The following TMEM217 variants were observed in gnomAD, a reference collection of about 807,000 sequenced individuals.
TMEM217 encodes chromosome 6 open reading frame 128.
For missense variants in TMEM217, 204 were observed against 248.8 expected (o/e 0.82, Z 1.21); for synonymous variants, 76 against 88.3 (o/e 0.86, Z 0.78).
At chr6:37,226,330 T>C (rs1313825184) in intron 1 of TMEM217, among the ~76,000 whole-genome samples, 1 of 140,532 alleles carries the variant, frequency 7.1e-6, no homozygotes, top group African/African-American at 2.7e-5. Context: ...TCTCGCTCTT[T>C]CGCCCAGGCT....
At chr6:37,225,381 AC>A (rs1361068932) in intron 1 of TMEM217, among the ~76,000 whole-genome samples, 2 of 152,136 alleles carry the variant, frequency 1.3e-5, no homozygotes, top group Non-Finnish European at 2.9e-5. Flanking sequence ...TTTAAAAAAA[AC>A]AAGCTAGTAA....
downstream of TMEM217, among the ~76,000 whole-genome samples, chr6:37,213,762 A>C (rs1293684058): frequency 6.6e-6 from 1 of 152,264 alleles, no homozygotes; most frequent in Non-Finnish European, 1.5e-5. Flanking sequence ...AGGCTGGAGT[A>C]GGCTGGGCCT....
chr6:37,239,305 A>G (rs897107718), intron 1 of TMEM217, among the ~76,000 whole-genome samples: 5 of 151,914 alleles, frequency 3.3e-5, no homozygotes, highest in African/African-American at 1.2e-4. Flanking sequence ...CCTGGGCAAG[A>G]TGGCAAAAAC....
At chr6:37,255,417 CCCA>C (rs549111798) in intron 1 of TMEM217, among the ~76,000 whole-genome samples, 1 of 152,016 alleles carries the variant, frequency 6.6e-6, no homozygotes, top group Non-Finnish European at 1.5e-5. Context: ...TGCGATGGCT[CCCA>C]CCTGTAATAC....
At chr6:37,254,562 T>C (rs1021472039) in intron 1 of TMEM217, among the ~76,000 whole-genome samples, 1 of 152,206 alleles carries the variant, frequency 6.6e-6, no homozygotes, top group East Asian at 1.9e-4. Context: ...GAGTCATTGG[T>C]AAAGTGGACA....
chr6:37,250,846 T>C (rs979122501), intron 1 of TMEM217, among the ~76,000 whole-genome samples: 2 of 152,270 alleles, frequency 1.3e-5, no homozygotes, highest in Non-Finnish European at 2.9e-5. Context: ...CCTTTAAGTT[T>C]ACTTTAACTC....
chr6:37,217,366 T>C (rs62407474), downstream of TMEM217, among the ~76,000 whole-genome samples: 3 of 152,260 alleles, frequency 2.0e-5, no homozygotes, highest in African/African-American at 7.2e-5. Context: ...TGTGATAGTA[T>C]GTAATCATAT....
rs539014646 is a variant in TMEM217 at position 37,246,509 on chromosome 6, G to C, written c.-12+11059C>G. 4.6e-5 allele frequency among the ~76,000 whole-genome samples: 7 copies of C among 152,282 alleles called. No homozygotes were observed. In the South Asian group the frequency reaches 8.3e-4, roughly 18 times the overall value. ...CCATCTACTCTCATGCACTGCAAGA[G>C]GGAGTGAAAAACTGACAATAATCTG... is the stretch of plus-strand genomic sequence containing the variant. On this transcript the variant is annotated intron_variant, in intron 1 of 1. Transcript: ENST00000357219.
At chr6:37,243,523 G>A (rs1050539414) in intron 1 of TMEM217, among the ~76,000 whole-genome samples, 4 of 152,224 alleles carry the variant, frequency 2.6e-5, no homozygotes, top group Non-Finnish European at 4.4e-5. Flanking sequence ...TAATTGATAT[G>A]AGGCTGGCCA....
At chr6:37,256,805 A>G (rs2113950625) in intron 1 of TMEM217, among the ~76,000 whole-genome samples, 2 of 152,130 alleles carry the variant, frequency 1.3e-5, no homozygotes, top group Non-Finnish European at 2.9e-5. Flanking sequence ...GACAAAAACC[A>G]CTCTGGACTG....
chr6:37,217,513 C>T (rs1343553819), downstream of TMEM217: 3 of 483,364 alleles, frequency 6.2e-6, no homozygotes, highest in Non-Finnish European at 5.4e-6. Context: ...ACAGTGTTCA[C>T]ACTACAGAGT....
chr6:37,258,113 C>A, exon 1 of TMEM217: 4 of 954,756 alleles, frequency 4.2e-6, no homozygotes, highest in Admixed American at 3.1e-5. Flanking sequence ...GGCGGCAGGG[C>A]AGCTGTCAGG....
chr6:37,256,336 G>C (rs1765725915), intron 1 of TMEM217, among the ~76,000 whole-genome samples: 1 of 152,190 alleles, frequency 6.6e-6, no homozygotes, highest in Non-Finnish European at 1.5e-5. Flanking sequence ...CAAAAGGTCT[G>C]GCTGTCCAGA....
At chr6:37,238,142 T>C (rs1764587828) in intron 1 of TMEM217, among the ~76,000 whole-genome samples, 1 of 145,256 alleles carries the variant, frequency 6.9e-6, no homozygotes, top group Admixed American at 7.3e-5. Flanking sequence ...TAATTGTATG[T>C]ATATAAAGTA....
chr6:37,257,994 G>T (rs373171848), exon 1 of TMEM217: 2 of 1,613,192 alleles, frequency 1.2e-6, no homozygotes, highest in African/African-American at 2.7e-5. Context: ...GACGCTGAGA[G>T]GGATAGGGGA....
At chr6:37,249,444 C>A (rs1263109667) in intron 1 of TMEM217, among the ~76,000 whole-genome samples, 1 of 152,088 alleles carries the variant, frequency 6.6e-6, no homozygotes, top group Non-Finnish European at 1.5e-5. Context: ...CTCAGCCTCC[C>A]AAGTAGCTGG....
chr6:37,213,588 A>T (rs191024804), downstream of TMEM217, among the ~76,000 whole-genome samples: 76 of 152,378 alleles, frequency 5.0e-4, no homozygotes, highest in African/African-American at 1.4e-3. Flanking sequence ...CAGGGCCAAG[A>T]TGCCTTAACA....
rs1011274889 is a variant in TMEM217 at position 37,245,599 on chromosome 6, A to C, written c.-12+11969T>G. 2.0e-5 allele frequency among the ~76,000 whole-genome samples: 3 copies of C among 152,174 alleles called. No homozygotes were observed. In the South Asian group the frequency reaches 6.2e-4, roughly 31 times the overall value. ...GGCTCTGCTTCCCAATGAGTTTCAT[A>C]GAGTGGGAAATTCTCCGTATGTGGG... On this transcript the variant is annotated intron_variant, in intron 1 of 1. Coordinates refer to ENST00000357219, the Ensembl canonical transcript of TMEM217.
intron 1 of TMEM217, among the ~76,000 whole-genome samples, chr6:37,245,322 A>G (rs1430800908): frequency 6.6e-6 from 1 of 152,246 alleles, no homozygotes; most frequent in East Asian, 1.9e-4. Context: ...TGAGAGGCTC[A>G]GCACCAGATC....
Sources: allele counts gnomAD v4.1 joint callset (sites outside exome capture counted in the v4.1 genomes callset), GRCh38; gene constraint gnomAD v4.1.1; transcripts MANE v1.5; gene names NCBI Gene and HGNC (gene_info 2026-07-23, HGNC 2026-07-21).